CBFA2T2: variants seen among roughly 807,000 people sequenced by gnomAD.
The protein encoded by CBFA2T2 is CBFA2/RUNX1 partner transcriptional co-repressor 2.
A neutral mutation model predicts 62.2 loss-of-function variants in CBFA2T2; 11 were observed. That is an observed-to-expected ratio of 0.18 (90% CI 0.11 to 0.29). The LOEUF (loss-of-function observed/expected upper bound fraction) is 0.29. CBFA2T2 is among the 10% of genes least tolerant of loss of function. The pLI is 1.00. For synonymous variants in CBFA2T2, 295 were observed against 287.5 expected, an observed-to-expected ratio of 1.03 and a Z score of -0.27; for missense variants, 592 against 774.1, an observed-to-expected ratio of 0.76 and a Z score of 2.79.
At chr20:33,526,204 A>G (rs548723472) in intron 1 of CBFA2T2, among the ~76,000 whole-genome samples, 7 of 152,342 alleles carry the variant, frequency 4.6e-5, no homozygotes, top group African/African-American at 1.7e-4. Context: ...TATTTTAAGT[A>G]AGGTGTTAAC....
At chr20:33,522,888 T>C (rs901778607) in intron 1 of CBFA2T2, among the ~76,000 whole-genome samples, 1 of 152,194 alleles carries the variant, frequency 6.6e-6, no homozygotes, top group Non-Finnish European at 1.5e-5. Context: ...TTAAGAGATA[T>C]ATGAGAGCAG....
intron 1 of CBFA2T2, among the ~76,000 whole-genome samples, chr20:33,512,750 CTTT>C (rs1219735208): frequency 8.0e-5 from 11 of 137,192 alleles, no homozygotes; most frequent in Non-Finnish European, 6.4e-5. Context: ...GTATGTATGT[CTTT>C]TTTTTTTTTT....
chr20:33,518,885 G>A (rs1036302736), intron 1 of CBFA2T2, among the ~76,000 whole-genome samples: 5 of 151,462 alleles, frequency 3.3e-5, no homozygotes, highest in South Asian at 2.1e-4. Flanking sequence ...GCACTGGAGC[G>A]ATCTTGGCTG....
intron 1 of CBFA2T2, among the ~76,000 whole-genome samples, chr20:33,524,763 A>G (rs1555830966): frequency 6.6e-6 from 1 of 152,168 alleles, no homozygotes; most frequent in Non-Finnish European, 1.5e-5. Context: ...GGTAAGGTAT[A>G]TTTTTTTGGT....
intron 1 of CBFA2T2, among the ~76,000 whole-genome samples, chr20:33,599,094 C>G (rs1019302822): frequency 6.6e-6 from 1 of 152,168 alleles, no homozygotes; most frequent in Non-Finnish European, 1.5e-5. Flanking sequence ...AACTCCATCT[C>G]TACTAAAATA....
intron 1 of CBFA2T2, among the ~76,000 whole-genome samples, chr20:33,593,821 C>T (rs1568840223): frequency 6.6e-6 from 1 of 152,118 alleles, no homozygotes; most frequent in Non-Finnish European, 1.5e-5. Context: ...CTTCTTGCTA[C>T]GATTATGAAA....
intron 2 of CBFA2T2, among the ~76,000 whole-genome samples, chr20:33,609,405 G>A (rs149416439): frequency 1.4e-3 from 210 of 152,250 alleles, no homozygotes; most frequent in African/African-American, 4.8e-3. Flanking sequence ...GGGAGGCTGA[G>A]GAAGGAGAAT....
chr20:33,545,022 G>A (rs572577807), intron 1 of CBFA2T2, among the ~76,000 whole-genome samples: 1 of 150,396 alleles, frequency 6.6e-6, no homozygotes, highest in Non-Finnish European at 1.5e-5. Context: ...GAACAGAACA[G>A]AATGCAAGGT....
chr20:33,634,451 C>T (rs987425406), intron 8 of CBFA2T2, among the ~76,000 whole-genome samples: 4 of 151,864 alleles, frequency 2.6e-5, no homozygotes, highest in Non-Finnish European at 5.9e-5. Flanking sequence ...GCTGGCAAAT[C>T]GCTTAAACTC....
At chr20:33,624,305 C>A (rs2016130382) in intron 5 of CBFA2T2, among the ~76,000 whole-genome samples, 1 of 143,962 alleles carries the variant, frequency 6.9e-6, no homozygotes, top group African/African-American at 2.6e-5. Context: ...TGCTACTACA[C>A]AATTGGACCC....
At chr20:33,573,422 GT>G (rs1345365439) in intron 1 of CBFA2T2, among the ~76,000 whole-genome samples, 1 of 151,904 alleles carries the variant, frequency 6.6e-6, no homozygotes, top group Non-Finnish European at 1.5e-5. Flanking sequence ...GGATGTAAGT[GT>G]TCAGTACTGT....
chr20:33,527,294 C>T (rs6088245), intron 1 of CBFA2T2, among the ~76,000 whole-genome samples: 62,590 of 151,378 alleles, frequency 0.41, 14,541 homozygotes, highest in Non-Finnish European at 0.53. Context: ...CTCTGCCTCC[C>T]AGGTTCAAGT....
At chr20:33,574,191 C>T (rs777174948) in intron 1 of CBFA2T2, 8 of 1,612,730 alleles carry the variant, frequency 5.0e-6, no homozygotes, top group Middle Eastern at 3.3e-4. Context: ...ATAAGCAGAT[C>T]ACCAGGTGAA....
At chr20:33,584,956 A>C (rs2014300633) in intron 1 of CBFA2T2, among the ~76,000 whole-genome samples, 1 of 152,116 alleles carries the variant, frequency 6.6e-6, no homozygotes, top group Non-Finnish European at 1.5e-5. Context: ...CATTTGGTCT[A>C]ATTTGGGAGC....
intron 3 of CBFA2T2, among the ~76,000 whole-genome samples, chr20:33,612,409 G>GCAGC (rs2015563691): frequency 6.6e-6 from 1 of 152,188 alleles, no homozygotes; most frequent in Non-Finnish European, 1.5e-5. Flanking sequence ...GCAGCTCTCC[G>GCAGC]AGTGTAAATC....
chr20:33,490,297 C>A lies in CBFA2T2; in HGVS notation c.30C>A (p.Phe10Leu). 1.6e-6 allele frequency: 2 copies of A among 1,277,756 alleles called. No homozygotes were observed. Among genetic ancestry groups the A allele is most frequent in the African/African-American group, 1.5e-5 (1 of 65,512 alleles). The allele number at this position is 1,277,756 out of a possible 1,614,324, so 79.2% of individuals were successfully genotyped here. A position where few individuals can be genotyped will look rare whatever the true frequency, so the allele number is the denominator to read the frequency against. Residue 10 changes from phenylalanine to leucine, a missense_variant, in exon 1 of 11, where the codon TTC (phenylalanine) becomes TTA (leucine). By Grantham distance (22) the Phe-to-Leu change is conservative (BLOSUM62 0). This residue lies in a region of CBFA2T2 where 449 missense variants were observed against 551.2 expected (regional missense o/e 0.81). Coordinates refer to ENST00000342704, the MANE Select transcript of CBFA2T2 (RefSeq NM_001032999.3). MVGVPGAAA[F>L]QLGPEKRVPA... ...TAGGCGTCCCTGGAGCGGCCGCCTT[C>A]CAGCGTAAGTGGGGCGTGAATGCGG...
intron 1 of CBFA2T2, among the ~76,000 whole-genome samples, chr20:33,491,783 C>A (rs538672429): frequency 1.3e-5 from 2 of 152,020 alleles, no homozygotes; most frequent in African/African-American, 4.8e-5. Context: ...CTCACTGCAA[C>A]CTCCGTCTCC....
Position 33,649,285 on chromosome 20 carries a change from C to T in CBFA2T2, c.*4639C>T, listed in dbSNP as rs1269957233. On this transcript the variant is annotated 3_prime_UTR_variant, in exon 11 of 11. Transcript: ENST00000342704. ...CAGATGGCCAGCTGTCGAGAGCAGC[C>T]CTGCCCAGATTGCGGTGGGGGCTGT... 1 of 152,602 alleles carries T rather than the reference C, an allele frequency of 6.6e-6. No individual in the cohort carries two copies. Among genetic ancestry groups the T allele is most frequent in the Non-Finnish European group, 1.5e-5 (1 of 68,084 alleles). The allele number at this position is 152,602 out of a possible 1,614,324, so 9.5% of individuals were successfully genotyped here.
At chr20:33,615,259 A>T (rs1477899648) in intron 3 of CBFA2T2, among the ~76,000 whole-genome samples, 5 of 152,204 alleles carry the variant, frequency 3.3e-5, no homozygotes, top group Middle Eastern at 3.2e-3. Context: ...AGAGTCCCTA[A>T]CTATACCAGA....
Sources: allele counts gnomAD v4.1 joint callset (sites outside exome capture counted in the v4.1 genomes callset), GRCh38; gene constraint gnomAD v4.1.1; regional missense constraint gnomAD v4.1.1; transcripts MANE v1.5; gene names NCBI Gene and HGNC (gene_info 2026-07-23, HGNC 2026-07-21).